NDUFA10: variants seen among roughly 807,000 people sequenced by gnomAD.
NDUFA10 encodes NADH:ubiquinone oxidoreductase subunit A10.
In NDUFA10, 40 loss-of-function variants were observed where a neutral mutation model predicts 47.8. That is an observed-to-expected ratio of 0.84 (90% confidence interval 0.65 to 1.09). NDUFA10 has a LOEUF of 1.09. NDUFA10 is among the 50% of genes least tolerant of loss of function. The pLI is 0.00. For missense variants in NDUFA10, 413 were observed against 451.1 expected (o/e 0.92, Z 0.76); for synonymous variants, 183 against 172.2 (o/e 1.06, Z -0.49).
At chr2:240,011,967 G>T in intron 5 of NDUFA10, 1 of 447,764 alleles carries the variant, frequency 2.2e-6, no homozygotes. Context: ...CAAGAAAGAT[G>T]CCTGTTACGA....
chr2:239,920,995 T>G (rs1010165275), intron 4 of NDUFA10, among the ~76,000 whole-genome samples: 2 of 152,140 alleles, frequency 1.3e-5, no homozygotes, highest in Non-Finnish European at 2.9e-5. Flanking sequence ...GTCCAGGAAG[T>G]AGCATCTTCC....
intron 4 of NDUFA10, among the ~76,000 whole-genome samples, chr2:239,936,093 G>A (rs1694262340): frequency 1.3e-5 from 2 of 152,190 alleles, no homozygotes; most frequent in South Asian, 4.1e-4. Context: ...GGGCAGCTGT[G>A]GCTCCAGCCC....
intron 4 of NDUFA10, among the ~76,000 whole-genome samples, chr2:239,933,043 C>T (rs1694204913): frequency 6.6e-6 from 1 of 152,106 alleles, no homozygotes. Context: ...TGTGGTCTGT[C>T]TCCCGTGGCA....
rs183154480 is a variant in NDUFA10, at chr2:239,939,467, C to T, written c.295-44153G>A. 2.0e-4 allele frequency among the ~76,000 whole-genome samples: 30 copies of T among 152,360 alleles called. No individual in the cohort carries two copies. The East Asian group carries it at 3.9e-3, about 20-fold the overall frequency. Reference sequence around the variant, plus strand: ...CTGGGGGGCCACCCGCGTACTCCAACGTGTCTGCCATTGCTGAAGGCATTT... The same window carrying T: ...CTGGGGGGCCACCCGCGTACTCCAATGTGTCTGCCATTGCTGAAGGCATTT... On this transcript the variant is annotated intron_variant, in intron 4 of 5. Transcript: ENST00000419408.
intron 4 of NDUFA10, among the ~76,000 whole-genome samples, chr2:239,920,452 G>A (rs962667325): frequency 9.2e-5 from 14 of 152,212 alleles, no homozygotes; most frequent in African/African-American, 1.4e-4. Flanking sequence ...AGGAGCATCC[G>A]AGGGGGAGAA....
intron 9 of NDUFA10, among the ~76,000 whole-genome samples, chr2:239,966,409 T>G (rs1158612366): frequency 1.3e-5 from 2 of 152,028 alleles, no homozygotes; most frequent in Non-Finnish European, 2.9e-5. Flanking sequence ...CACATGAGGG[T>G]GTGCACACTG....
intron 9 of NDUFA10, among the ~76,000 whole-genome samples, chr2:239,976,171 G>T (rs1478007331): frequency 6.6e-6 from 1 of 152,098 alleles, no homozygotes; most frequent in Non-Finnish European, 1.5e-5. Context: ...TCCAGGCTTG[G>T]TTACATAACA....
chr2:239,911,363 T>G (rs1693751372), intron 4 of NDUFA10, among the ~76,000 whole-genome samples: 1 of 150,400 alleles, frequency 6.6e-6, no homozygotes, highest in Non-Finnish European at 1.5e-5. Context: ...CTGTGTAGAA[T>G]GAGGAGCCCT....
chr2:239,905,984 T>C (rs755294809), intron 4 of NDUFA10, among the ~76,000 whole-genome samples: 44 of 152,064 alleles, frequency 2.9e-4, no homozygotes, highest in Non-Finnish European at 4.7e-4. Flanking sequence ...TCCTGTCCCA[T>C]GCGCGGGAGG....
intron 5 of NDUFA10, 162 bp downstream of exon 5, chr2:240,014,577 C>T: frequency 1.7e-6 from 2 of 1,182,040 alleles, no homozygotes; most frequent in African/African-American, 1.5e-5. Context: ...GGGGTCTCCC[C>T]TCCACCCCTG....
intron 4 of NDUFA10, among the ~76,000 whole-genome samples, chr2:239,951,429 C>G (rs1211124338): frequency 6.6e-6 from 1 of 152,162 alleles, no homozygotes; most frequent in Non-Finnish European, 1.5e-5. Context: ...CTAACGAGGC[C>G]GTTTCTCTTG....
In NDUFA10 at chr2:240,009,349, G is replaced by A. The variant is rs145914173; in HGVS notation, c.750-1979C>T. ...ACTGGGAGCTAGCAGTGTTGGAGCT[G>A]AGTAAATAAGTATATGTTGAACGCG... is the stretch of plus-strand genomic sequence containing the variant. On this transcript the variant is annotated intron_variant, in intron 6 of 9. Coordinates refer to ENST00000252711, the MANE Select transcript of NDUFA10 (RefSeq NM_004544.4). 1.2e-4 allele frequency among the ~76,000 whole-genome samples: 19 copies of A among 152,344 alleles called. No homozygotes were observed. The East Asian group carries it at 3.1e-3, about 25-fold the overall frequency.
At chr2:239,956,758 T>C (rs1694663255), downstream of NDUFA10, among the ~76,000 whole-genome samples, 1 of 151,750 alleles carries the variant, frequency 6.6e-6, no homozygotes, top group Non-Finnish European at 1.5e-5. Flanking sequence ...GTGGGAGGAG[T>C]GGCGTCACGG....
In NDUFA10 at chr2:239,960,961, T is replaced by G. The variant is rs1017450915; in HGVS notation, c.*157A>C. On this transcript the variant is annotated 3_prime_UTR_variant, in exon 10 of 10. Coordinates refer to ENST00000252711, the MANE Select transcript of NDUFA10 (RefSeq NM_004544.4). The stretch of plus-strand genomic sequence containing the variant: ...CTTCCCCCAACTCCATTACCTATAC[T>G]ACAGGATGGATTGCTTTTTGTGAGA... 7.2e-6 allele frequency: 11 copies of G among 1,533,294 alleles called. No homozygotes were observed. In the South Asian group the frequency reaches 1.2e-4, roughly 17 times the overall value. 95.0% of individuals were successfully genotyped at this position (1,533,294 alleles called of 1,614,324 possible).
At chr2:240,023,557 G>A (rs1429799008) in intron 1 of NDUFA10, among the ~76,000 whole-genome samples, 1 of 152,162 alleles carries the variant, frequency 6.6e-6, no homozygotes, top group African/African-American at 2.4e-5. Context: ...GATGCTCAAT[G>A]AAGTATGATG....
intron 8 of NDUFA10, among the ~76,000 whole-genome samples, chr2:239,993,968 A>G (rs1696361295): frequency 1.3e-5 from 2 of 152,236 alleles, no homozygotes; most frequent in African/African-American, 2.4e-5. Context: ...TAGCTCCTGC[A>G]GCCCGAGAGG....
chr2:239,957,605 T>C lies in NDUFA10; in HGVS notation c.*3513A>G, dbSNP rs1049279915. The C allele has an allele frequency of 1.3e-5, 2 of 152,216 alleles. No individual in the cohort carries two copies. The highest frequency in any genetic ancestry group is 4.8e-5 in the African/African-American group (2 of 41,454). The allele number at this position is 152,216 out of a possible 1,614,324, so 9.4% of individuals were successfully genotyped here. ...GCAAACTTACTCACATGCTTAAAGA[T>C]AAAATTTGACAGTTTCATTTGTCTT... On this transcript the variant is annotated 3_prime_UTR_variant, in exon 10 of 10. Transcript: ENST00000252711.
intron 5 of NDUFA10, 89 bp from the exon 6 acceptor site, chr2:240,011,785 G>T: frequency 1.7e-6 from 2 of 1,168,826 alleles, no homozygotes; most frequent in South Asian, 1.2e-5. Flanking sequence ...GACAATCACT[G>T]ACCACCATTT....
At chr2:240,021,497 C>A in intron 2 of NDUFA10, 85 bp from the exon 3 acceptor site, 1 of 1,243,172 alleles carries the variant, frequency 8.0e-7, no homozygotes, top group East Asian at 2.4e-5. Flanking sequence ...AAACACACAG[C>A]CCGCCCGAAT....
Sources: allele counts gnomAD v4.1 joint callset (sites outside exome capture counted in the v4.1 genomes callset), GRCh38; gene constraint gnomAD v4.1.1; transcripts MANE v1.5; gene names NCBI Gene and HGNC (gene_info 2026-07-23, HGNC 2026-07-21).